DNAH8: variants seen among roughly 807,000 people sequenced by gnomAD.
DNAH8 encodes dynein axonemal heavy chain 8.
In DNAH8, 382 loss-of-function variants were observed where a neutral mutation model predicts 562.1. That is an observed-to-expected ratio of 0.68 (90% CI 0.63 to 0.74). The LOEUF is 0.74. Among genes scored for constraint, DNAH8 ranks in the 30% least tolerant of loss-of-function variants. The pLI is 0.00. For missense variants in DNAH8, 5,203 were observed against 5,620.4 expected, an observed-to-expected ratio of 0.93 and a Z score of 2.37; for synonymous variants, 1,881 against 1,919.4, an observed-to-expected ratio of 0.98 and a Z score of 0.52.
At chr6:38,790,745 C>A (rs1281997689) in intron 20 of DNAH8, among the ~76,000 whole-genome samples, 1 of 151,856 alleles carries the variant, frequency 6.6e-6, no homozygotes, top group Non-Finnish European at 1.5e-5. Context: ...ATCGTTTGAA[C>A]CAGGGAAGCG....
intron 87 of DNAH8, among the ~76,000 whole-genome samples, chr6:38,987,296 C>A (rs576750386): frequency 1.3e-5 from 2 of 152,302 alleles, no homozygotes; most frequent in East Asian, 3.9e-4. Context: ...GACCCCTCTC[C>A]TGCCTTTCTT....
chr6:38,906,502 A>G (rs958129912), intron 63 of DNAH8, 95 bp downstream of exon 63: 2 of 1,050,142 alleles, frequency 1.9e-6, no homozygotes, highest in Non-Finnish European at 1.3e-6. Context: ...GAGGCTATTT[A>G]GTACATTTTT....
At chr6:38,756,421 T>C (rs901674652) in intron 10 of DNAH8, among the ~76,000 whole-genome samples, 1 of 152,144 alleles carries the variant, frequency 6.6e-6, no homozygotes, top group Non-Finnish European at 1.5e-5. Context: ...ACACTATAGT[T>C]TGTGTAAAAT....
chr6:38,920,763 A>T (rs546058897), intron 70 of DNAH8, among the ~76,000 whole-genome samples: 1 of 152,218 alleles, frequency 6.6e-6, no homozygotes, highest in Non-Finnish European at 1.5e-5. Flanking sequence ...AATGAAAAAA[A>T]ATCAAAATGC....
At chr6:38,842,536 T>C in intron 34 of DNAH8, 31 bp downstream of exon 34, 1 of 1,606,942 alleles carries the variant, frequency 6.2e-7, no homozygotes, top group East Asian at 2.2e-5. Flanking sequence ...TTATAATGCC[T>C]GTCTTCTTAG....
intron 82 of DNAH8, among the ~76,000 whole-genome samples, chr6:38,963,281 G>C (rs1432742885): frequency 1.8e-3 from 56 of 30,858 alleles, no homozygotes; most frequent in Non-Finnish European, 3.2e-3. Flanking sequence ...TTTTTTTTTT[G>C]TAAAGGACAT....
intron 53 of DNAH8, among the ~76,000 whole-genome samples, chr6:38,878,872 G>C (rs955463523): frequency 3.9e-5 from 6 of 152,104 alleles, no homozygotes; most frequent in Non-Finnish European, 5.9e-5. Flanking sequence ...ACAAAAAAAT[G>C]ATAAGCATTT....
chr6:38,848,625 T>C (rs1186407349), intron 36 of DNAH8, 23 bp from the exon 37 acceptor site: 3 of 1,582,714 alleles, frequency 1.9e-6, no homozygotes, highest in Admixed American at 1.7e-5. Context: ...TGAAATGTGA[T>C]TTTTTCCGTT....
chr6:38,946,456 C>G (rs796501832), intron 80 of DNAH8, among the ~76,000 whole-genome samples: 4 of 152,344 alleles, frequency 2.6e-5, no homozygotes, highest in African/African-American at 9.6e-5. Flanking sequence ...AGACAGTGAG[C>G]TTTGTTTTGT....
chr6:38,785,009 A>G (rs891948081), intron 17 of DNAH8, among the ~76,000 whole-genome samples: 5 of 152,272 alleles, frequency 3.3e-5, no homozygotes, highest in African/African-American at 1.2e-4. Context: ...CCTTGAGAAC[A>G]TCAGTTGGCC....
intron 1 of DNAH8, among the ~76,000 whole-genome samples, chr6:38,717,484 C>T (rs959868908): frequency 6.6e-6 from 1 of 151,900 alleles, no homozygotes; most frequent in East Asian, 1.9e-4. Context: ...CCACCACGCC[C>T]GGCTAATTTT....
intron 70 of DNAH8, among the ~76,000 whole-genome samples, chr6:38,920,220 T>A (rs2179564): frequency 5.9e-5 from 9 of 151,960 alleles, no homozygotes; most frequent in African/African-American, 1.9e-4. Flanking sequence ...CTTAAGCAGT[T>A]CTCCTACCTC....
At chr6:38,950,013 A>G (rs1181816440) in intron 81 of DNAH8, among the ~76,000 whole-genome samples, 3 of 152,234 alleles carry the variant, frequency 2.0e-5, no homozygotes, top group African/African-American at 7.2e-5. Context: ...AAAAAACCCA[A>G]TAATATTGCA....
intron 5 of DNAH8, 130 bp from the exon 6 acceptor site, chr6:38,736,936 AC>A (rs1403838480): frequency 1.7e-6 from 1 of 571,944 alleles, no homozygotes; most frequent in Non-Finnish European, 2.8e-6. Context: ...GTTCATAACC[AC>A]TTAAGATTCC....
chr6:38,925,587 G>T (rs979680746), intron 73 of DNAH8, among the ~76,000 whole-genome samples: 1 of 152,072 alleles, frequency 6.6e-6, no homozygotes, highest in Admixed American at 6.5e-5. Context: ...GATGAGCTCC[G>T]GCCAATATAA....
At chr6:38,813,741 C>G (rs1772002292) in intron 24 of DNAH8, among the ~76,000 whole-genome samples, 1 of 152,078 alleles carries the variant, frequency 6.6e-6, no homozygotes, top group South Asian at 2.1e-4. Flanking sequence ...CTGGTGATCT[C>G]ATCTTGTATC....
intron 10 of DNAH8, among the ~76,000 whole-genome samples, chr6:38,756,831 C>T (rs1765959937): frequency 1.3e-5 from 2 of 152,026 alleles, no homozygotes; most frequent in Admixed American, 1.3e-4. Flanking sequence ...TCATCCATGT[C>T]CCTACAAAGG....
At chr6:38,942,481 C>T (rs1437827721) in intron 79 of DNAH8, among the ~76,000 whole-genome samples, 6 of 152,070 alleles carry the variant, frequency 3.9e-5, no homozygotes, top group East Asian at 1.9e-4. Context: ...GGGAGAGTGC[C>T]GGAGAAACTC....
chr6:38,897,929 T>C (rs932379734), intron 60 of DNAH8, among the ~76,000 whole-genome samples: 5 of 152,192 alleles, frequency 3.3e-5, no homozygotes, highest in Admixed American at 2.0e-4. Context: ...CCTTTTTATA[T>C]TTTTGAAAGC....
Sources: gnomAD v4.1 joint callset for allele counts (sites outside exome capture counted in the v4.1 genomes callset) on GRCh38, gnomAD v4.1.1 for gene constraint, MANE v1.5 for transcripts, NCBI Gene and HGNC (gene_info 2026-07-23, HGNC 2026-07-21) for gene names.